SEC14L1: variants seen among roughly 807,000 people sequenced by gnomAD.
SEC14L1 encodes the protein SEC14-like protein 1.
Under a neutral mutation model 85.3 loss-of-function variants are expected in SEC14L1, and 48 were observed. The observed-to-expected ratio is 0.56, with a 90% CI of 0.45 to 0.72. The LOEUF (loss-of-function observed/expected upper bound fraction) is 0.72. Among genes scored for constraint, SEC14L1 ranks in the 30% least tolerant of loss-of-function variants. The pLI, the probability that SEC14L1 is intolerant of heterozygous loss-of-function variation, is 0.00. For synonymous variants in SEC14L1, 391 were observed against 355.5 expected (o/e 1.10, Z -1.12); for missense variants, 682 against 921.4 (o/e 0.74, Z 3.36).
chr17:77,198,606 G>A (rs1455203570), intron 8 of SEC14L1, among the ~76,000 whole-genome samples: 2 of 146,304 alleles, frequency 1.4e-5, no homozygotes, highest in East Asian at 2.0e-4. Flanking sequence ...ACGGAGTCTC[G>A]CCCTGTCGCC....
At chr17:77,100,417 TC>T (rs1321683673) in intron 3 of SEC14L1, among the ~76,000 whole-genome samples, 30 of 36,924 alleles carry the variant, frequency 8.1e-4, no homozygotes, top group African/African-American at 4.8e-3. Flanking sequence ...CTTTTCTTTC[TC>T]TCTCTCTCTC....
intron 3 of SEC14L1, among the ~76,000 whole-genome samples, chr17:77,108,249 C>T (rs1472753379): frequency 2.6e-5 from 4 of 152,164 alleles, no homozygotes; most frequent in Non-Finnish European, 4.4e-5. Context: ...CCACTTTCCC[C>T]ATCCAGAGTC....
chr17:77,192,208 T>C (rs905923999), intron 5 of SEC14L1, among the ~76,000 whole-genome samples: 1 of 152,238 alleles, frequency 6.6e-6, no homozygotes. Context: ...AGTGTTTGTC[T>C]GTCTCAGTAT....
chr17:77,164,060 A>T (rs1368731341), intron 3 of SEC14L1, among the ~76,000 whole-genome samples: 1 of 152,196 alleles, frequency 6.6e-6, no homozygotes, highest in Non-Finnish European at 1.5e-5. Flanking sequence ...TATCTTGTTT[A>T]TTGCCCACAC....
At chr17:77,171,205 A>C (rs1284167032) in intron 3 of SEC14L1, among the ~76,000 whole-genome samples, 1 of 152,214 alleles carries the variant, frequency 6.6e-6, no homozygotes, top group African/African-American at 2.4e-5. Context: ...GCGGCATCAC[A>C]CATAGCCTGG....
Position 77,216,598 on chromosome 17 carries a change from T to A in SEC14L1, c.*2575T>A. ...AAGAAAATGCTTCACTCAACAGTCCTCATGTGCCCAGAGATGTTTATAGAA... is the reference window on the plus strand; with the variant it reads ...AAGAAAATGCTTCACTCAACAGTCCACATGTGCCCAGAGATGTTTATAGAA... On this transcript the variant is annotated 3_prime_UTR_variant, in exon 17 of 17. Transcript: ENST00000436233. 5 of 1,613,324 alleles carry A rather than the reference T, an allele frequency of 3.1e-6. No individual in the cohort carries two copies. Among genetic ancestry groups the A allele is most frequent in the Non-Finnish European group, 4.2e-6 (5 of 1,179,436 alleles).
At chr17:77,208,460 G>A (rs745821137) in intron 13 of SEC14L1, among the ~76,000 whole-genome samples, 11 of 152,134 alleles carry the variant, frequency 7.2e-5, no homozygotes, top group Admixed American at 7.2e-4. Flanking sequence ...GTCACATGCC[G>A]ACCTCCGTAG....
intron 3 of SEC14L1, among the ~76,000 whole-genome samples, chr17:77,149,856 G>GTTTTTTTTTTTTTTTTT (rs201022692): frequency 8.1e-6 from 1 of 123,930 alleles, no homozygotes; most frequent in Non-Finnish European, 1.8e-5. Context: ...GCTGATTTGT[G>GTTTTTTTTTTTTTTTTT]TTTTTTTTTT....
At chr17:77,096,835 T>A (rs1467118132) in intron 3 of SEC14L1, among the ~76,000 whole-genome samples, 2 of 152,098 alleles carry the variant, frequency 1.3e-5, no homozygotes, top group Non-Finnish European at 2.9e-5. Context: ...TTTGTTTTGT[T>A]TTGATTTGTG....
rs1165295401 is a variant in SEC14L1 at position 77,212,132 on chromosome 17, C to A, written c.1794C>A (p.Val598=). 6.2e-7 allele frequency: 1 copy of A among 1,614,132 alleles called. No homozygotes were observed. The highest frequency in any genetic ancestry group is 1.7e-5 in the Admixed American group (1 of 60,026). Residue 598 remains valine, a synonymous_variant, in exon 15 of 17, where the codon GTC becomes GTA. Transcript: ENST00000436233. ...GGNNVQLIDK[V]WQLGRDYSMV... is the part of the protein sequence containing the mutation. ...ACAATGTGCAGCTCATAGACAAAGT[C>A]TGGCAGCTGGGCCGCGACTACAGCA...
chr17:77,161,759 G>C (rs1974067762), intron 3 of SEC14L1, among the ~76,000 whole-genome samples: 1 of 147,708 alleles, frequency 6.8e-6, no homozygotes, highest in South Asian at 2.2e-4. Flanking sequence ...GTTAAGGAAG[G>C]GAGGGGAATA....
At position 77,200,693 on chromosome 17, in the gene SEC14L1, C is replaced by CT. The variant is rs1976091741; in HGVS notation, c.1009+21dup. 3 of 1,600,694 alleles carry CT rather than the reference C, an allele frequency of 1.9e-6. No individual in the cohort carries two copies. The highest frequency in any genetic ancestry group is 2.6e-6 in the Non-Finnish European group (3 of 1,172,800). On this transcript the variant is annotated intron_variant, in intron 9 of 16. Coordinates refer to ENST00000436233, the MANE Select transcript of SEC14L1 (RefSeq NM_001143998.2). ...ACAAAGGTACCGGATGGAGTTGAAA[C>CT]TGTGTTTCCATCGTTGTCTTGATGT...
intron 3 of SEC14L1, among the ~76,000 whole-genome samples, chr17:77,170,719 T>C (rs1974491670): frequency 6.6e-6 from 1 of 152,094 alleles, no homozygotes; most frequent in African/African-American, 2.4e-5. Flanking sequence ...TTAAAATTAG[T>C]TGGGTTAAAT....
chr17:77,202,920 A>AAAAAAAAT (rs1040752102), intron 9 of SEC14L1, among the ~76,000 whole-genome samples: 4 of 126,178 alleles, frequency 3.2e-5, no homozygotes, highest in Non-Finnish European at 6.7e-5. Context: ...CTCTCTCTCT[A>AAAAAAAAT]AAAAAAATAA....
intron 14 of SEC14L1, chr17:77,211,732 A>G: frequency 1.7e-6 from 1 of 602,942 alleles, no homozygotes; most frequent in Non-Finnish European, 2.9e-6. Flanking sequence ...GCAGGTCACA[A>G]AGAACACAGA....
rs1406910958 is a variant in SEC14L1, at chr17:77,194,882, C to T, written c.680C>T (p.Ala227Val). 1.2e-6 allele frequency: 2 copies of T among 1,614,156 alleles called. No individual in the cohort carries two copies. The highest frequency in any genetic ancestry group is 1.7e-6 in the Non-Finnish European group (2 of 1,179,982). ...GGTGATGCCCTCAGCAGCCCCAGCG[C>T]ACCTGAGCCCGTGGTGGGCACCCCT... ...LSGDALSSPS[A>V]PEPVVGTPDD... Residue 227 changes from alanine to valine, a missense_variant, in exon 7 of 17, where the codon GCA (alanine) becomes GTA (valine). Around this residue, in one of 3 missense-constraint regions of SEC14L1, gnomAD observed 123 missense variants for 100.6 expected, o/e 1.22. Coordinates refer to ENST00000436233, the MANE Select transcript of SEC14L1 (RefSeq NM_001143998.2).
intron 3 of SEC14L1, among the ~76,000 whole-genome samples, chr17:77,184,459 A>G (rs1171412925): frequency 2.6e-5 from 4 of 151,950 alleles, no homozygotes; most frequent in Non-Finnish European, 5.9e-5. Context: ...TTTTCCTGAA[A>G]AATTTTCTCC....
chr17:77,124,903 C>T (rs1270833733), intron 3 of SEC14L1, among the ~76,000 whole-genome samples: 1 of 151,972 alleles, frequency 6.6e-6, no homozygotes, highest in Non-Finnish European at 1.5e-5. Context: ...AGAGAATAAG[C>T]TTTATCTTAT....
At chr17:77,154,870 T>C (rs1035926832) in intron 3 of SEC14L1, among the ~76,000 whole-genome samples, 1 of 152,206 alleles carries the variant, frequency 6.6e-6, no homozygotes, top group African/African-American at 2.4e-5. Flanking sequence ...TCCTTACTTC[T>C]TTTCCTTTTA....
Sources: gnomAD v4.1 joint callset for allele counts (sites outside exome capture counted in the v4.1 genomes callset) on GRCh38, gnomAD v4.1.1 for gene constraint, gnomAD v4.1.1 regional missense constraint, MANE v1.5 for transcripts, NCBI Gene and HGNC (gene_info 2026-07-23, HGNC 2026-07-21) for gene names.